The following SSBP3 variants were observed in gnomAD, a reference collection of about 807,000 sequenced individuals.
The protein encoded by SSBP3 is single stranded DNA binding protein 3, also known as single-stranded DNA-binding protein 3.
In SSBP3, 5 loss-of-function variants were observed where a neutral mutation model predicts 69.6. That is an observed-to-expected ratio of 0.07 (90% confidence interval 0.04 to 0.15). The LOEUF (loss-of-function observed/expected upper bound fraction) is 0.15. Ranked by LOEUF, SSBP3 falls within the 10% of genes least tolerant of loss-of-function variation. The probability of loss-of-function intolerance (pLI) is 1.00; values close to 1 mark genes in which losing one functional copy is unlikely to be tolerated. For synonymous variants in SSBP3, 196 were observed against 193.4 expected (o/e 1.01, Z -0.11); for missense variants, 312 against 534.0 (o/e 0.58, Z 4.10).
chr1:54,247,755 G>A (rs1644759205), intron 9 of SSBP3, among the ~76,000 whole-genome samples: 1 of 152,164 alleles, frequency 6.6e-6, no homozygotes, highest in Admixed American at 6.5e-5. Context: ...CCGCACTTCT[G>A]GTGGGGGCTG....
intron 4 of SSBP3, chr1:54,335,708 A>T (rs760720405): frequency 6.6e-6 from 1 of 152,282 alleles, no homozygotes; most frequent in Non-Finnish European, 1.5e-5. Context: ...GCCTGTCCTC[A>T]GGAGCCAGGG....
At chr1:54,230,662 T>C (rs994697216) in intron 14 of SSBP3, among the ~76,000 whole-genome samples, 1 of 152,194 alleles carries the variant, frequency 6.6e-6, no homozygotes, top group African/African-American at 2.4e-5. Context: ...TGTACCCGAC[T>C]GCAGTCATTT....
intron 4 of SSBP3, among the ~76,000 whole-genome samples, chr1:54,357,277 T>A (rs1414670415): frequency 6.6e-6 from 1 of 151,948 alleles, no homozygotes; most frequent in Non-Finnish European, 1.5e-5. Context: ...TGGCCCAGGG[T>A]GGGCACTCGA....
At chr1:54,241,201 C>T (rs1014401956) in intron 12 of SSBP3, among the ~76,000 whole-genome samples, 11 of 152,188 alleles carry the variant, frequency 7.2e-5, no homozygotes, top group African/African-American at 2.2e-4. Flanking sequence ...TATGTGCTCA[C>T]AGGCATGCCC....
intron 4 of SSBP3, among the ~76,000 whole-genome samples, chr1:54,349,640 A>G (rs1646749407): frequency 6.6e-6 from 1 of 151,760 alleles, no homozygotes; most frequent in Non-Finnish European, 1.5e-5. Flanking sequence ...TAGCCATGCC[A>G]CCTTAGTTTC....
intron 5 of SSBP3, among the ~76,000 whole-genome samples, chr1:54,264,878 G>C (rs1000969066): frequency 2.1e-4 from 32 of 152,340 alleles, no homozygotes; most frequent in African/African-American, 7.7e-4. Flanking sequence ...CACTGCTCTG[G>C]AGAGGCTGAA....
At chr1:54,389,383 G>A (rs568841113) in intron 4 of SSBP3, among the ~76,000 whole-genome samples, 1 of 152,220 alleles carries the variant, frequency 6.6e-6, no homozygotes, top group Non-Finnish European at 1.5e-5. Context: ...TCCTGGACGA[G>A]GTCATTAAAA....
intron 4 of SSBP3, among the ~76,000 whole-genome samples, chr1:54,340,513 G>A (rs1231106044): frequency 3.3e-5 from 5 of 152,212 alleles, no homozygotes; most frequent in South Asian, 2.1e-4. Flanking sequence ...AGTGGCTCCC[G>A]TGAAACCCCA....
intron 4 of SSBP3, among the ~76,000 whole-genome samples, chr1:54,333,725 A>C (rs1431630721): frequency 2.0e-5 from 3 of 152,194 alleles, no homozygotes; most frequent in Non-Finnish European, 4.4e-5. Flanking sequence ...GAGGTGATAC[A>C]TGTAACTGTT....
chr1:54,394,443 A>T (rs1463671811), intron 4 of SSBP3, among the ~76,000 whole-genome samples: 1 of 151,284 alleles, frequency 6.6e-6, no homozygotes, highest in East Asian at 2.0e-4. Context: ...CATTCCACAC[A>T]ATTCTTTTTA....
intron 5 of SSBP3, among the ~76,000 whole-genome samples, chr1:54,266,094 A>G (rs1249233248): frequency 1.3e-5 from 2 of 152,242 alleles, no homozygotes; most frequent in Admixed American, 6.5e-5. Context: ...TAGCTCCTCC[A>G]CACACTGCTT....
chr1:54,319,600 G>A (rs567515378), intron 4 of SSBP3, among the ~76,000 whole-genome samples: 1 of 152,078 alleles, frequency 6.6e-6, no homozygotes, highest in South Asian at 2.1e-4. Flanking sequence ...CTACCTCCAC[G>A]CAAGCCAACT....
chr1:54,241,388 G>T (rs1557450941), intron 12 of SSBP3, 86 bp downstream of exon 12: 1 of 1,419,212 alleles, frequency 7.0e-7, no homozygotes, highest in Non-Finnish European at 1.0e-6. Flanking sequence ...GTGTGAAAGG[G>T]AAAGAAACGG....
chr1:54,272,740 ATCACTCCAT>A (rs1645217755), intron 5 of SSBP3, among the ~76,000 whole-genome samples: 1 of 152,222 alleles, frequency 6.6e-6, no homozygotes, highest in Admixed American at 6.5e-5. Flanking sequence ...ACAGGGAAAA[ATCACTCCAT>A]TCTAAGAAAA....
intron 4 of SSBP3, among the ~76,000 whole-genome samples, chr1:54,364,591 G>C (rs1169528475): frequency 1.3e-5 from 2 of 152,184 alleles, no homozygotes; most frequent in Admixed American, 1.3e-4. Context: ...ATTAATGCTT[G>C]GCTCAAGCTT....
intron 4 of SSBP3, among the ~76,000 whole-genome samples, chr1:54,361,556 TCA>T (rs1646952726): frequency 6.6e-6 from 1 of 152,082 alleles, no homozygotes; most frequent in Non-Finnish European, 1.5e-5. Context: ...TGAACGGAAT[TCA>T]CAGAGCCTCT....
chr1:54,396,315 ATAGTC>A (rs556613082), intron 4 of SSBP3, among the ~76,000 whole-genome samples: 372 of 152,192 alleles, frequency 2.4e-3, no homozygotes, highest in African/African-American at 8.4e-3. Context: ...GTTTATGTGA[ATAGTC>A]TAATGCACTT....
chr1:54,322,473 C>T (rs1646230824), intron 4 of SSBP3, among the ~76,000 whole-genome samples: 3 of 152,152 alleles, frequency 2.0e-5, no homozygotes, highest in Non-Finnish European at 2.9e-5. Context: ...CAATCCCCTC[C>T]GGGATCTAGG....
intron 4 of SSBP3, among the ~76,000 whole-genome samples, chr1:54,382,645 G>GT (rs1647738994): frequency 6.6e-6 from 1 of 152,122 alleles, no homozygotes; most frequent in South Asian, 2.1e-4. Flanking sequence ...TTTAAAGGCA[G>GT]TAAGCATTTC....
Sources: allele counts gnomAD v4.1 joint callset (sites outside exome capture counted in the v4.1 genomes callset), GRCh38; gene constraint gnomAD v4.1.1; transcripts MANE v1.5; gene names NCBI Gene and HGNC (gene_info 2026-07-23, HGNC 2026-07-21).